Variants in NELL2 observed in about 807,000 individuals in gnomAD.
NELL2 encodes the protein neural EGFL like 2.
Under a neutral mutation model 109.6 loss-of-function variants are expected in NELL2, and 41 were observed. The observed-to-expected ratio is 0.37, with a 90% CI of 0.29 to 0.49. The LOEUF is 0.49. NELL2 is among the 20% of genes least tolerant of loss of function. NELL2 has a pLI of 0.98. For synonymous variants in NELL2, 355 were observed against 344.7 expected, an observed-to-expected ratio of 1.03 and a Z score of -0.33; for missense variants, 900 against 1,008.3, an observed-to-expected ratio of 0.89 and a Z score of 1.45.
intron 1 of NELL2, among the ~76,000 whole-genome samples, chr12:44,896,671 C>A (rs1945596496): frequency 6.6e-6 from 1 of 152,004 alleles, no homozygotes; most frequent in South Asian, 2.1e-4. Flanking sequence ...GAAACAAAAG[C>A]AGTAGATTAA....
rs2272517 is a variant in NELL2, at chr12:44,875,920, A to T, written c.-51T>A. 0.2 allele frequency: 324,410 copies of T among 1,611,700 alleles called. 34,104 individuals carry two copies. The highest frequency in any genetic ancestry group is 0.26 in the South Asian group (23,494 of 91,060). On this transcript the variant is annotated 5_prime_UTR_variant, in exon 1 of 20. Transcript: ENST00000429094. Reference sequence around the variant, plus strand: ...CTCCCTCTTTAAAAATAAAAATAAAAATCGAAGAGGTTCTTGGAATCAAGC... The same window carrying T: ...CTCCCTCTTTAAAAATAAAAATAAATATCGAAGAGGTTCTTGGAATCAAGC...
chr12:44,654,124 A>T (rs1947402041), intron 13 of NELL2, among the ~76,000 whole-genome samples: 1 of 152,174 alleles, frequency 6.6e-6, no homozygotes, highest in Non-Finnish European at 1.5e-5. Context: ...AGCTCTCTGC[A>T]CATTTTTTGG....
At chr12:44,854,648 TTGGA>T (rs1020188041) in intron 2 of NELL2, among the ~76,000 whole-genome samples, 107 of 145,160 alleles carry the variant, frequency 7.4e-4, no homozygotes, top group African/African-American at 2.4e-3. Flanking sequence ...GACATGTTTA[TTGGA>T]TGGATGGATG....
chr12:44,875,646 G>C, intron 1 of NELL2, 169 bp downstream of exon 1: 1 of 1,588,538 alleles, frequency 6.3e-7, no homozygotes, highest in Non-Finnish European at 8.5e-7. Context: ...CGGTCTCCAA[G>C]GCAAGCACAG....
intron 19 of NELL2, among the ~76,000 whole-genome samples, chr12:44,516,165 A>G (rs1357675493): frequency 6.6e-6 from 1 of 151,990 alleles, no homozygotes; most frequent in African/African-American, 2.4e-5. Context: ...ATTAGAATAT[A>G]TTATATAAGT....
Position 44,520,048 on chromosome 12 carries a change from G to T in NELL2, c.2357C>A (p.Ser786Tyr). Reference sequence around the variant, plus strand: ...ACACTCAGTGCCATGTTTGATCCAAGAGGACCCGGTGAAGCGAACCACATT... The same window carrying T: ...ACACTCAGTGCCATGTTTGATCCAATAGGACCCGGTGAAGCGAACCACATT... ...EMNVVRFTGS[S>Y]WIKHGTECTL... The change falls in exon 19 of 20, where the codon TCT becomes TAT. Residue 786 changes from serine to tyrosine, a missense_variant. Coordinates refer to ENST00000429094, the MANE Select transcript of NELL2 (RefSeq NM_001145108.2). The T allele has an allele frequency of 6.2e-7, 1 of 1,614,178 alleles. No individual in the cohort carries two copies. The highest frequency in any genetic ancestry group is 1.1e-5 in the South Asian group (1 of 91,076).
intron 2 of NELL2, among the ~76,000 whole-genome samples, chr12:44,840,738 C>T (rs1217713563): frequency 6.6e-6 from 1 of 152,158 alleles, no homozygotes; most frequent in East Asian, 1.9e-4. Flanking sequence ...AAATTTCAAC[C>T]ATTTTTGGCT....
intron 19 of NELL2, among the ~76,000 whole-genome samples, chr12:44,514,398 C>T (rs1349311464): frequency 6.6e-6 from 1 of 151,796 alleles, no homozygotes; most frequent in Non-Finnish European, 1.5e-5. Context: ...GTTTCAGTTA[C>T]CTGTGGTCAA....
intron 17 of NELL2, chr12:44,522,991 G>C: frequency 3.0e-6 from 1 of 331,660 alleles, no homozygotes; most frequent in Non-Finnish European, 5.6e-6. Flanking sequence ...ATAATGTTGA[G>C]AGAATGAAGT....
At chr12:44,863,370 C>T (rs1259104562) in intron 2 of NELL2, among the ~76,000 whole-genome samples, 4 of 152,284 alleles carry the variant, frequency 2.6e-5, no homozygotes, top group Non-Finnish European at 4.4e-5. Flanking sequence ...TATAATCAAA[C>T]TGTCAAAAAT....
chr12:44,779,748 C>T lies in NELL2; in HGVS notation c.521G>A (p.Arg174Lys). 6.2e-7 allele frequency: 1 copy of T among 1,613,898 alleles called. No individual in the cohort carries two copies. Among genetic ancestry groups the T allele is most frequent in the Non-Finnish European group, 8.5e-7 (1 of 1,179,834 alleles). The change falls in exon 5 of 20, where the codon AGG (arginine) becomes AAG (lysine). Residue 174 changes from arginine to lysine, a missense_variant. Arg to Lys is a conservative substitution (Grantham distance 26, BLOSUM62 2). Transcript: ENST00000429094. Reference protein sequence around the residue: ...LHIDCNKIYERVVEKPSTDLP... With the variant: ...LHIDCNKIYEKVVEKPSTDLP... ...GTCTGTGGAGGGCTTTTCTACTACC[C>T]TTTCATAAATTCTGCAAAAAAGAAA...
intron 13 of NELL2, among the ~76,000 whole-genome samples, chr12:44,614,257 G>A (rs1945736760): frequency 6.6e-6 from 1 of 151,672 alleles, no homozygotes; most frequent in South Asian, 2.1e-4. Flanking sequence ...ATCAGCACAT[G>A]GTTATTTTAA....
chr12:44,693,880 GTTCCTCAAAGCCTAAAAATAATGT>G (rs1490352598), intron 12 of NELL2, among the ~76,000 whole-genome samples: 35 of 152,278 alleles, frequency 2.3e-4, no homozygotes, highest in African/African-American at 7.9e-4. Context: ...TTACACAGAT[GTTCCTCAAAGCCTAAAAATAATGT>G]TTCCATATAT....
At chr12:44,810,785 G>A (rs912991699) in intron 3 of NELL2, among the ~76,000 whole-genome samples, 4 of 151,990 alleles carry the variant, frequency 2.6e-5, no homozygotes, top group Admixed American at 6.6e-5. Context: ...AAACTGGGTC[G>A]CAGGGGACAG....
intron 13 of NELL2, among the ~76,000 whole-genome samples, chr12:44,663,427 T>C (rs1592290566): frequency 6.6e-6 from 1 of 152,188 alleles, no homozygotes; most frequent in East Asian, 1.9e-4. Context: ...GTGGTGTTAG[T>C]TGAAAATGCT....
At chr12:44,715,209 T>C (rs1045028468) in intron 9 of NELL2, among the ~76,000 whole-genome samples, 3 of 150,624 alleles carry the variant, frequency 2.0e-5, no homozygotes, top group Non-Finnish European at 4.4e-5. Context: ...AGCACATCCA[T>C]GTAAGTTTTA....
chr12:44,542,291 C>CA (rs1555173311), intron 15 of NELL2, among the ~76,000 whole-genome samples: 10 of 142,148 alleles, frequency 7.0e-5, no homozygotes, highest in African/African-American at 1.8e-4. Context: ...ATATATTAGT[C>CA]TTTTTTTTTT....
At chr12:44,858,377 T>A (rs1217580904) in intron 2 of NELL2, among the ~76,000 whole-genome samples, 2 of 152,190 alleles carry the variant, frequency 1.3e-5, no homozygotes, top group African/African-American at 4.8e-5. Context: ...TTCCATATAT[T>A]TCCTTTGTAG....
At chr12:44,719,981 A>G (rs541668135) in intron 9 of NELL2, among the ~76,000 whole-genome samples, 3 of 152,166 alleles carry the variant, frequency 2.0e-5, no homozygotes, top group Non-Finnish European at 4.4e-5. Flanking sequence ...AAGTGTTTTA[A>G]TATTCTTAAA....
Sources: gnomAD v4.1 joint callset for allele counts (sites outside exome capture counted in the v4.1 genomes callset) on GRCh38, gnomAD v4.1.1 for gene constraint, MANE v1.5 for transcripts, NCBI Gene and HGNC (gene_info 2026-07-23, HGNC 2026-07-21) for gene names.